Variants in SLC36A2 observed in about 807,000 individuals in gnomAD.
SLC36A2 encodes proton-coupled amino acid transporter 2.
A neutral mutation model predicts 42.7 loss-of-function variants in SLC36A2; 39 were observed. The ratio of observed to expected loss-of-function variants is 0.91; its 90% CI spans 0.71 to 1.19. The LOEUF is 1.19. Ranked by LOEUF, SLC36A2 falls within the 50% of genes most tolerant of loss-of-function variation. SLC36A2 has a pLI of 0.00. For synonymous variants in SLC36A2, 237 were observed against 240.8 expected, an observed-to-expected ratio of 0.98 and a Z score of 0.15; for missense variants, 590 against 613.7, an observed-to-expected ratio of 0.96 and a Z score of 0.41.
Position 151,318,754 on chromosome 5 carries a change from G to A in SLC36A2, c.1181-1666C>T, listed in dbSNP as rs112991405. Among the ~76,000 whole-genome samples, 595 of 151,816 alleles carry A rather than the reference G, an allele frequency of 3.9e-3. 3 individuals are homozygous for A. The highest frequency in any genetic ancestry group is 0.014 in the African/African-American group (565 of 41,428). ...GAGATCTTCAGTTGGAAGAAAATCC[G>A]GGAGGTGTCTTTAAAGAAGTGTCTT... On this transcript the variant is annotated intron_variant, in intron 9 of 9. Transcript: ENST00000335244.
intron 1 of SLC36A2, among the ~76,000 whole-genome samples, chr5:151,346,291 C>T (rs998982814): frequency 1.3e-5 from 2 of 152,176 alleles, no homozygotes; most frequent in Non-Finnish European, 2.9e-5. Context: ...AGCCCTGGGG[C>T]GACAGCACAG....
intron 8 of SLC36A2, among the ~76,000 whole-genome samples, chr5:151,323,228 C>G (rs1464114091): frequency 2.0e-5 from 3 of 150,122 alleles, no homozygotes; most frequent in Non-Finnish European, 4.4e-5. Context: ...GAGTGAGACC[C>G]TGTCTCAAAA....
At chr5:151,330,034 C>T (rs10075699) in intron 7 of SLC36A2, among the ~76,000 whole-genome samples, 13,507 of 151,602 alleles carry the variant, frequency 0.089, 1,059 homozygotes, top group African/African-American at 0.22. Context: ...GGTGGGGGAG[C>T]GGGGTCCTGG....
At chr5:151,327,917 C>G (rs1755896414) in intron 7 of SLC36A2, among the ~76,000 whole-genome samples, 1 of 152,204 alleles carries the variant, frequency 6.6e-6, no homozygotes, top group African/African-American at 2.4e-5. Context: ...CTCTGGGGCT[C>G]TCCCTCTTCT....
At chr5:151,328,043 A>G (rs1188980977) in intron 7 of SLC36A2, among the ~76,000 whole-genome samples, 4 of 152,228 alleles carry the variant, frequency 2.6e-5, no homozygotes. Context: ...TATTGTCATC[A>G]GTTTAGAGGT....
At position 151,316,912 on chromosome 5, in the gene SLC36A2, C is replaced by T. The variant is rs137955427; in HGVS notation, c.1357G>A (p.Val453Met). Reference sequence around the variant, plus strand: ...TGGTAGGTCCCCACCACAAAGCCCACGAAGCCCAGGATGCTGATCAGGGCG... The same window carrying T: ...TGGTAGGTCCCCACCACAAAGCCCATGAAGCCCAGGATGCTGATCAGGGCG... ...KDALISILGF[V>M]GFVVGTYQAL... The change falls in exon 10 of 10, where the codon GTG becomes ATG. Residue 453 changes from valine to methionine, a missense_variant. Physicochemically the swap from Val to Met is conservative, Grantham distance 21. Transcript: ENST00000335244. The T allele has an allele frequency of 1.2e-5, 19 of 1,613,968 alleles. No individual in the cohort carries two copies. Among genetic ancestry groups the T allele is most frequent in the Non-Finnish European group, 1.2e-5 (14 of 1,180,016 alleles).
At chr5:151,323,051 CAT>C (rs1407201041) in intron 8 of SLC36A2, among the ~76,000 whole-genome samples, 11 of 152,142 alleles carry the variant, frequency 7.2e-5, no homozygotes, top group Non-Finnish European at 1.5e-4. Flanking sequence ...GTCTGGCCAA[CAT>C]GGCGAAACCC....
chr5:151,344,268 C>A lies in SLC36A2; in HGVS notation c.165-1G>T. 6.2e-7 allele frequency: 1 copy of A among 1,612,376 alleles called. No homozygotes were observed. The highest frequency in any genetic ancestry group is 1.1e-5 in the South Asian group (1 of 90,830). ...CAGGTGAATCAAGGCCTGGAACACTCTAAAGGAGAGGAAGGAGATGTGAAG... is the reference window on the plus strand; with the variant it reads ...CAGGTGAATCAAGGCCTGGAACACTATAAAGGAGAGGAAGGAGATGTGAAG... On this transcript the variant is annotated splice_acceptor_variant, in intron 1 of 9. Transcript: ENST00000335244. LOFTEE classifies it high-confidence loss of function.
rs1756527905 is a variant in SLC36A2 at position 151,347,394 on chromosome 5, G to A, written c.67C>T (p.Pro23Ser). The A allele has an allele frequency of 6.2e-7, 1 of 1,614,096 alleles. No homozygotes were observed. The highest frequency in any genetic ancestry group is 1.7e-5 in the Admixed American group (1 of 60,008). The change falls in exon 1 of 10, where the codon CCT (proline) becomes TCT (serine). Residue 23 changes from proline to serine, a missense_variant. Coordinates refer to ENST00000335244, the MANE Select transcript of SLC36A2 (RefSeq NM_181776.3). ...TCCAACTTCTTGGCACTTTCAGGAG[G>A]CGACATAAGGTCCAATTTGATGGCA... ...AVAIKLDLMSPPESAKKLENK... is the reference protein window; with the variant it reads ...AVAIKLDLMSSPESAKKLENK...
In SLC36A2 at chr5:151,317,141, T is replaced by G. The variant is rs560411658; in HGVS notation, c.1181-53A>C. 289 of 1,595,792 alleles carry G rather than the reference T, an allele frequency of 1.8e-4. 2 individuals carry two copies. In the South Asian group the frequency reaches 3.1e-3, roughly 17 times the overall value. On this transcript the variant is annotated intron_variant, in intron 9 of 9. Coordinates refer to ENST00000335244, the MANE Select transcript of SLC36A2 (RefSeq NM_181776.3). Reference sequence around the variant, plus strand: ...GAGCATTCCAGGCTTAGCCAAGCTTTGAAAGTTTGTTCTTAAAGTCCTCTT... The same window carrying G: ...GAGCATTCCAGGCTTAGCCAAGCTTGGAAAGTTTGTTCTTAAAGTCCTCTT...
rs930058828 is a variant in SLC36A2 at position 151,317,223 on chromosome 5, G to A, written c.1181-135C>T. On this transcript the variant is annotated intron_variant, in intron 9 of 9. Coordinates refer to ENST00000335244, the MANE Select transcript of SLC36A2 (RefSeq NM_181776.3). ...TCCCAGCACTTTGGGAGGCCTAGATGGGTGGATCACTGAAGGTTGGGAGTT... is the reference window on the plus strand; with the variant it reads ...TCCCAGCACTTTGGGAGGCCTAGATAGGTGGATCACTGAAGGTTGGGAGTT... 3.5e-6 allele frequency: 4 copies of A among 1,135,046 alleles called. No individual in the cohort carries two copies. In the African/African-American group the frequency reaches 4.6e-5, roughly 13 times the overall value. 70.3% of individuals were successfully genotyped at this position (1,135,046 alleles called of 1,614,324 possible). A position where few individuals can be genotyped will look rare whatever the true frequency, so the allele number is the denominator to read the frequency against.
chr5:151,335,491 A>T lies in SLC36A2; in HGVS notation c.582T>A (p.Ile194=). The part of the protein sequence containing the change: ...TNNCYSNETV[I]LTPTMDSRLY... ...GTCGCGAGTCCATGGTGGGGGTCAG[A>T]ATCACCGTCTCATTGGAATAGCAGT... The change falls in exon 6 of 10, where the codon ATT becomes ATA. Residue 194 remains isoleucine (I), a synonymous_variant. Coordinates refer to ENST00000335244, the MANE Select transcript of SLC36A2 (RefSeq NM_181776.3). 1 of 1,614,148 alleles carries T rather than the reference A, an allele frequency of 6.2e-7. No individual in the cohort carries two copies.
Position 151,335,499 on chromosome 5 carries a change from T to C in SLC36A2, c.574A>G (p.Thr192Ala). The C allele has an allele frequency of 6.2e-7, 1 of 1,613,938 alleles. No homozygotes were observed. The highest frequency in any genetic ancestry group is 8.5e-7 in the Non-Finnish European group (1 of 1,179,962). The change falls in exon 6 of 10, where the codon ACG becomes GCG. Residue 192 changes from threonine to alanine, a missense_variant. Transcript: ENST00000335244. ...TCCATGGTGGGGGTCAGAATCACCGTCTCATTGGAATAGCAGTTGTTGGTT... is the reference window on the plus strand; with the variant it reads ...TCCATGGTGGGGGTCAGAATCACCGCCTCATTGGAATAGCAGTTGTTGGTT... Reference protein sequence around the residue: ...STTNNCYSNETVILTPTMDSR... With the variant: ...STTNNCYSNEAVILTPTMDSR...
chr5:151,338,262 T>TTA (rs1446816176), intron 5 of SLC36A2, among the ~76,000 whole-genome samples: 1 of 152,244 alleles, frequency 6.6e-6, no homozygotes, highest in African/African-American at 2.4e-5. Context: ...CTTTTTAAAC[T>TTA]TACTGATTAA....
At chr5:151,343,474 C>T (rs777577361) in intron 3 of SLC36A2, 36 bp downstream of exon 3, 6 of 1,594,146 alleles carry the variant, frequency 3.8e-6, no homozygotes, top group Non-Finnish European at 4.3e-6. Flanking sequence ...GAACCATGCA[C>T]CAAAGGAATT....
chr5:151,317,721 CTCTG>C (rs1377832250), intron 9 of SLC36A2, among the ~76,000 whole-genome samples: 1 of 152,092 alleles, frequency 6.6e-6, no homozygotes, highest in East Asian at 1.9e-4. Context: ...TTTGGTGAGT[CTCTG>C]TCTAATTGTA....
At chr5:151,333,478 A>G (rs1378825277) in intron 6 of SLC36A2, among the ~76,000 whole-genome samples, 156 bp from the exon 7 acceptor site, 1 of 152,202 alleles carries the variant, frequency 6.6e-6, no homozygotes, top group Admixed American at 6.5e-5. Flanking sequence ...ATCAAAGTTG[A>G]TTTCAACACT....
intron 9 of SLC36A2, among the ~76,000 whole-genome samples, chr5:151,320,701 C>T (rs1489846094): frequency 6.6e-6 from 1 of 152,188 alleles, no homozygotes; most frequent in African/African-American, 2.4e-5. Context: ...GTCAAGGAGC[C>T]CCAGCTGATT....
Position 151,343,540 on chromosome 5 carries a change from A to G in SLC36A2, c.314T>C (p.Leu105Pro), listed in dbSNP as rs1756406618. 2 of 1,614,246 alleles carry G rather than the reference A, an allele frequency of 1.2e-6. No homozygotes were observed. The highest frequency in any genetic ancestry group is 2.7e-5 in the African/African-American group (2 of 75,062). The change falls in exon 3 of 10, where the codon CTG (leucine) becomes CCG (proline). Residue 105 changes from leucine to proline, a missense_variant. By Grantham distance (98) the Leu-to-Pro change is moderately conservative (BLOSUM62 -3). Transcript: ENST00000335244. ...ACAGAAGCGCTGGGCACACTTGACC[A>G]GGATGTGCATACAGTGGCAGGCAAT... is the stretch of plus-strand genomic sequence containing the variant. ...GFIACHCMHI[L>P]VKCAQRFCKR...
Sources: gnomAD v4.1 joint callset for allele counts (sites outside exome capture counted in the v4.1 genomes callset) on GRCh38, gnomAD v4.1.1 for gene constraint, MANE v1.5 for transcripts, NCBI Gene and HGNC (gene_info 2026-07-23, HGNC 2026-07-21) for gene names.